DMD: variants seen among roughly 807,000 people sequenced by gnomAD.
DMD encodes mutant dystrophin.
DMD carries 63 observed loss-of-function variants against 330.1 expected under a neutral mutation model. The observed-to-expected ratio is 0.19, with a 90% CI of 0.16 to 0.24. The LOEUF (loss-of-function observed/expected upper bound fraction) is 0.24, where lower values mean the gene tolerates loss of function less well. Ranked by LOEUF, DMD falls within the 10% of genes least tolerant of loss-of-function variation. The probability of loss-of-function intolerance (pLI) is 1.00; values close to 1 mark genes in which losing one functional copy is unlikely to be tolerated. For synonymous variants in DMD, 1,223 were observed against 959.8 expected (o/e 1.27, Z -5.07); for missense variants, 3,344 against 2,684.1 (o/e 1.25, Z -5.43).
intron 7 of DMD, among the ~76,000 whole-genome samples, chrX:32,739,611 A>AATTTCCCAAAAT (rs1355518821): frequency 1.8e-5 from 2 of 112,193 alleles, no homozygotes; most frequent in African/African-American, 6.5e-5. Context: ...GGAAATTATT[A>AATTTCCCAAAAT]ACAGACCAGT....
At chrX:32,899,140 G>T (rs2085991903) in intron 2 of DMD, among the ~76,000 whole-genome samples, 1 of 112,151 alleles carries the variant, frequency 8.9e-6, no homozygotes, top group Non-Finnish European at 1.9e-5. Context: ...AGACTGAATT[G>T]ATTAGCAGTT....
intron 43 of DMD, among the ~76,000 whole-genome samples, chrX:32,260,529 C>G (rs2097317523): frequency 9.0e-6 from 1 of 111,515 alleles, no homozygotes; most frequent in Non-Finnish European, 1.9e-5. Context: ...ACTCTATAAA[C>G]TGGTGGGACA....
chrX:31,420,133 T>C (rs1008527936), intron 60 of DMD, among the ~76,000 whole-genome samples: 6 of 112,539 alleles, frequency 5.3e-5, no homozygotes, highest in South Asian at 3.6e-4. Context: ...AAAAATACAC[T>C]ATTGTTTTGT....
chrX:31,875,816 C>A, intron 47 of DMD, among the ~76,000 whole-genome samples: 1 of 112,423 alleles, frequency 8.9e-6, no homozygotes, highest in East Asian at 2.8e-4. Flanking sequence ...TAACACAGGT[C>A]TTCTAAATCC....
intron 44 of DMD, among the ~76,000 whole-genome samples, chrX:32,191,615 T>C (rs1009802530): frequency 3.6e-5 from 4 of 111,403 alleles, no homozygotes; most frequent in African/African-American, 1.3e-4. Flanking sequence ...TGTCCCTCAG[T>C]ATCCATGGGG....
At chrX:31,371,875 G>T (rs1439116580) in intron 60 of DMD, among the ~76,000 whole-genome samples, 1 of 112,365 alleles carries the variant, frequency 8.9e-6, no homozygotes, top group Non-Finnish European at 1.9e-5. Flanking sequence ...GGACTGCCTG[G>T]TGTGACTACC....
chrX:31,658,203 G>A (rs1224180456), intron 53 of DMD, 59 bp from the exon 54 acceptor site: 2 of 1,150,355 alleles, frequency 1.7e-6, no homozygotes, highest in Non-Finnish European at 2.4e-6. Flanking sequence ...ATCTCTAGTT[G>A]GAGTGTCTTA....
intron 2 of DMD, among the ~76,000 whole-genome samples, chrX:32,921,685 G>A (rs1278446741): frequency 1.8e-5 from 2 of 111,487 alleles, no homozygotes; most frequent in African/African-American, 3.3e-5. Flanking sequence ...TTCTTTATGC[G>A]TTCTTTTTTG....
intron 44 of DMD, among the ~76,000 whole-genome samples, chrX:32,140,054 C>CACCCTTGTT (rs2096745008): frequency 8.9e-6 from 1 of 112,006 alleles, no homozygotes; most frequent in Non-Finnish European, 1.9e-5. Context: ...TTACTTGTTC[C>CACCCTTGTT]ACCCTTGTTT....
At chrX:32,700,089 C>A (rs191157119) in intron 7 of DMD, among the ~76,000 whole-genome samples, 52 of 111,659 alleles carry the variant, frequency 4.7e-4, no homozygotes, top group Non-Finnish European at 2.5e-4. Context: ...TCATTTGCTA[C>A]TTGGCATTAA....
chrX:32,903,312 G>C (rs1268741981), intron 2 of DMD, among the ~76,000 whole-genome samples: 1 of 107,134 alleles, frequency 9.3e-6, no homozygotes, highest in East Asian at 2.9e-4. Flanking sequence ...AAAGACTTTT[G>C]AATAATTGCA....
At chrX:32,935,356 G>C (rs1205942639) in intron 2 of DMD, among the ~76,000 whole-genome samples, 1 of 112,189 alleles carries the variant, frequency 8.9e-6, no homozygotes, top group Non-Finnish European at 1.9e-5. Context: ...TGGCTGCTTT[G>C]ATGCCACAAC....
chrX:33,094,756 TG>T lies in DMD; in HGVS notation c.32-74557del, dbSNP rs1393997893. Among the ~76,000 whole-genome samples the T allele has an allele frequency of 2.9e-5, 3 of 102,607 alleles. No individual in the cohort carries two copies. The East Asian group carries it at 9.1e-4, about 31-fold the overall frequency. 89.1% of individuals were successfully genotyped at this position (102,607 alleles called of 115,157 possible). A position where few individuals can be genotyped will look rare whatever the true frequency, so the allele number is the denominator to read the frequency against. On this transcript the variant is annotated intron_variant, in intron 1 of 78. Coordinates refer to ENST00000357033, the MANE Select transcript of DMD (RefSeq NM_004006.3). ...CTGGGAGGTGGAAGTTGCAGTGAGC[TG>T]AGATTGTGCCATTGCACTCCAGGCA...
intron 17 of DMD, among the ~76,000 whole-genome samples, chrX:32,524,235 C>A (rs902853196): frequency 1.8e-5 from 2 of 111,803 alleles, no homozygotes; most frequent in African/African-American, 6.5e-5. Flanking sequence ...CGCCCGGCCC[C>A]AGAAGAAATC....
chrX:32,456,676 T>C (rs6653872), intron 25 of DMD, among the ~76,000 whole-genome samples: 18,106 of 105,869 alleles, frequency 0.17, 2,037 homozygotes, highest in African/African-American at 0.39. Flanking sequence ...ATCCTGGAAA[T>C]TTTGAAGGCA....
chrX:32,765,109 G>A (rs1188292997), intron 7 of DMD, among the ~76,000 whole-genome samples: 1 of 110,308 alleles, frequency 9.1e-6, no homozygotes, highest in Non-Finnish European at 1.9e-5. Context: ...AGAAATTTCT[G>A]ATCAACTCAT....
rs1402356240 is a variant in DMD, at chrX:31,473,974, T to C, written c.8937+4132A>G. Among the ~76,000 whole-genome samples the C allele has an allele frequency of 1.3e-4, 14 of 111,988 alleles. No homozygotes were observed. The Admixed American group carries it at 1.3e-3, about 11-fold the overall frequency. On this transcript the variant is annotated intron_variant, in intron 59 of 78. Transcript: ENST00000357033. ...TTCAGTAAAGTGAAAAGTCATGATC[T>C]TGCCCTTAAAATATTTGATAAGCAG...
chrX:31,573,071 T>C lies in DMD; in HGVS notation c.8217+54602A>G, dbSNP rs887354112. On this transcript the variant is annotated intron_variant, in intron 55 of 78. Coordinates refer to ENST00000357033, the MANE Select transcript of DMD (RefSeq NM_004006.3). ...TAGCAAGAAAAAGACATTTGACTAG[T>C]TGCATGAGTCAAGGGTTAAGTAAAG... Among the ~76,000 whole-genome samples the C allele has an allele frequency of 1.5e-4, 17 of 111,283 alleles. No homozygotes were observed. In the Admixed American group the frequency reaches 1.5e-3, roughly 10 times the overall value.
rs2052824517 is a variant in DMD, at chrX:33,254,595, T to C, written c.7+84664A>G. On this transcript the variant is annotated intron_variant, in intron 1 of 17. Transcript: ENST00000288447. ...TGAAATCAATTTTAATTGACAACTT[T>C]AAGATTTATTATTTGATGTGATGAT... Among the ~76,000 whole-genome samples, 5 of 110,614 alleles carry C rather than the reference T, an allele frequency of 4.5e-5. No homozygotes were observed. In the South Asian group the frequency reaches 1.9e-3, roughly 42 times the overall value.
Sources: gnomAD v4.1 joint callset for allele counts (sites outside exome capture counted in the v4.1 genomes callset) on GRCh38, gnomAD v4.1.1 for gene constraint, MANE v1.5 for transcripts, NCBI Gene and HGNC (gene_info 2026-07-23, HGNC 2026-07-21) for gene names.